Variants in GATAD2A observed in about 807,000 individuals in gnomAD.
GATAD2A encodes the protein GATA zinc finger domain containing 2A, also known as transcriptional repressor p66-alpha.
In GATAD2A, 12 loss-of-function variants were observed where a neutral mutation model predicts 68.5. The observed-to-expected ratio is 0.18, with a 90% confidence interval of 0.11 to 0.28. GATAD2A has a LOEUF of 0.28. Ranked by LOEUF, GATAD2A falls within the 10% of genes least tolerant of loss-of-function variation. The probability of loss-of-function intolerance (pLI) is 1.00; values close to 1 mark genes in which losing one functional copy is unlikely to be tolerated. For missense variants in GATAD2A, 755 were observed against 868.5 expected, an observed-to-expected ratio of 0.87 and a Z score of 1.64; for synonymous variants, 410 against 375.3, an observed-to-expected ratio of 1.09 and a Z score of -1.07.
chr19:19,418,234 T>C (rs939527857), intron 1 of GATAD2A, among the ~76,000 whole-genome samples: 1 of 152,138 alleles, frequency 6.6e-6, no homozygotes, highest in African/African-American at 2.4e-5. Context: ...CATCAGGACC[T>C]TCATGAATGA....
intron 2 of GATAD2A, among the ~76,000 whole-genome samples, chr19:19,484,530 T>TCC (rs1386177034): frequency 7.1e-6 from 1 of 140,030 alleles, no homozygotes; most frequent in South Asian, 2.3e-4. Flanking sequence ...TTTTTTTTTT[T>TCC]TCTTTTTTTT....
intron 1 of GATAD2A, among the ~76,000 whole-genome samples, chr19:19,463,171 A>C (rs1489379966): frequency 3.3e-5 from 5 of 151,956 alleles, no homozygotes; most frequent in South Asian, 2.1e-4. Context: ...TGGGCCTGGG[A>C]GTGCACATAC....
At chr19:19,486,721 A>C (rs933541728) in intron 2 of GATAD2A, among the ~76,000 whole-genome samples, 7 of 152,174 alleles carry the variant, frequency 4.6e-5, no homozygotes, top group Non-Finnish European at 8.8e-5. Context: ...GCCTGAGCTG[A>C]GCACTTTCAG....
intron 1 of GATAD2A, among the ~76,000 whole-genome samples, chr19:19,450,283 G>A (rs963790731): frequency 6.6e-6 from 1 of 152,170 alleles, no homozygotes; most frequent in African/African-American, 2.4e-5. Flanking sequence ...CACAGTGCTG[G>A]GCACACCTGG....
intron 4 of GATAD2A, among the ~76,000 whole-genome samples, chr19:19,493,595 G>C (rs2059950233): frequency 2.0e-5 from 3 of 152,148 alleles, no homozygotes; most frequent in Admixed American, 2.0e-4. Flanking sequence ...GGGAAACTCC[G>C]ACCTTCCAAG....
rs1034170013 is a variant in GATAD2A at position 19,494,308 on chromosome 19, T to G, written c.549T>G (p.Val183=). ...CTCTCTTGCAGCCCACAGGTTCTGT[T>G]GGGAGCACCGTGACCACCCCTCCCC... ...EATAQKPTGS[V]GSTVTTPPPL... is the part of the protein sequence containing the mutation. Residue 183 remains valine (V), a synonymous_variant, in exon 5 of 12, where the codon GTT becomes GTG. Coordinates refer to ENST00000683918, the MANE Select transcript of GATAD2A (RefSeq NM_001384528.1). 9.3e-6 allele frequency: 15 copies of G among 1,610,452 alleles called. No homozygotes were observed. The Admixed American group carries it at 1.3e-4, about 14-fold the overall frequency.
chr19:19,489,005 A>G (rs2059616494), intron 2 of GATAD2A, among the ~76,000 whole-genome samples: 1 of 152,204 alleles, frequency 6.6e-6, no homozygotes, highest in Non-Finnish European at 1.5e-5. Context: ...GACAGTTTTT[A>G]TAATTAAATA....
chr19:19,479,354 C>G, intron 2 of GATAD2A, among the ~76,000 whole-genome samples: 1 of 152,222 alleles, frequency 6.6e-6, no homozygotes, highest in African/African-American at 2.4e-5. Context: ...TAACAGACTA[C>G]AGAACATGTG....
chr19:19,478,475 G>A (rs185733837), intron 2 of GATAD2A, among the ~76,000 whole-genome samples: 2 of 151,846 alleles, frequency 1.3e-5, no homozygotes, highest in Non-Finnish European at 2.9e-5. Flanking sequence ...ACTTCTGTAA[G>A]CCCAGCTACT....
At chr19:19,436,790 A>G (rs983229830) in intron 1 of GATAD2A, among the ~76,000 whole-genome samples, 2 of 152,180 alleles carry the variant, frequency 1.3e-5, no homozygotes, top group South Asian at 2.1e-4. Context: ...GCCCAAGGCT[A>G]CCTACCTGGA....
intron 2 of GATAD2A, among the ~76,000 whole-genome samples, chr19:19,469,431 C>CAA (rs56310236): frequency 4.5e-5 from 6 of 132,196 alleles, no homozygotes; most frequent in Admixed American, 1.6e-4. Flanking sequence ...GACTCCATCT[C>CAA]AAAAAAAAAG....
At chr19:19,395,596 G>T (rs1182417334) in intron 1 of GATAD2A, among the ~76,000 whole-genome samples, 1 of 152,176 alleles carries the variant, frequency 6.6e-6, no homozygotes, top group Non-Finnish European at 1.5e-5. Context: ...AGGCCTATCT[G>T]GCAGGGCGGC....
intron 1 of GATAD2A, among the ~76,000 whole-genome samples, chr19:19,462,088 C>T (rs2057480775): frequency 6.6e-6 from 1 of 152,240 alleles, no homozygotes; most frequent in Admixed American, 6.5e-5. Flanking sequence ...GCCTCTTCAC[C>T]TACTTTTAGG....
At chr19:19,403,658 C>G (rs987513263), upstream of GATAD2A, among the ~76,000 whole-genome samples, 1 of 152,172 alleles carries the variant, frequency 6.6e-6, no homozygotes, top group African/African-American at 2.4e-5. Context: ...GTCAGGTCTC[C>G]CACCTGACCA....
chr19:19,434,121 A>G (rs1296401445), intron 1 of GATAD2A, among the ~76,000 whole-genome samples: 3 of 151,882 alleles, frequency 2.0e-5, no homozygotes, highest in Non-Finnish European at 4.4e-5. Context: ...ATCCTTAAGT[A>G]TTTCACCTTT....
At chr19:19,466,237 C>A (rs552043304) in intron 2 of GATAD2A, among the ~76,000 whole-genome samples, 1 of 152,346 alleles carries the variant, frequency 6.6e-6, no homozygotes, top group East Asian at 1.9e-4. Context: ...AAATAAGACC[C>A]AATCTACCAC....
At chr19:19,396,986 G>A (rs938996265) in intron 1 of GATAD2A, among the ~76,000 whole-genome samples, 2 of 152,132 alleles carry the variant, frequency 1.3e-5, no homozygotes, top group African/African-American at 4.8e-5. Flanking sequence ...GATTACAGGC[G>A]TGAGCCACTG....
chr19:19,502,174 C>T, intron 10 of GATAD2A, 131 bp downstream of exon 10: 2 of 875,540 alleles, frequency 2.3e-6, no homozygotes, highest in Non-Finnish European at 3.6e-6. Flanking sequence ...CCCTCCCCCA[C>T]CCCTCTGTGT....
intron 2 of GATAD2A, among the ~76,000 whole-genome samples, chr19:19,485,636 G>A (rs2059381575): frequency 6.6e-6 from 1 of 152,202 alleles, no homozygotes; most frequent in African/African-American, 2.4e-5. Flanking sequence ...AGGCTGCCAC[G>A]TCACTTCCTC....
Sources: allele counts gnomAD v4.1 joint callset (sites outside exome capture counted in the v4.1 genomes callset), GRCh38; gene constraint gnomAD v4.1.1; transcripts MANE v1.5; gene names NCBI Gene and HGNC (gene_info 2026-07-23, HGNC 2026-07-21).